Variants in BTBD9 observed in about 807,000 individuals in gnomAD.
BTBD9 encodes BTB/POZ domain-containing protein 9.
BTBD9 carries 49 observed loss-of-function variants against 64.3 expected under a neutral mutation model. That is an observed-to-expected ratio of 0.76 (90% CI 0.61 to 0.97). The LOEUF (loss-of-function observed/expected upper bound fraction) is 0.97, where lower values mean the gene tolerates loss of function less well. Among genes scored for constraint, BTBD9 ranks in the 50% least tolerant of loss-of-function variants. The pLI, the probability that BTBD9 is intolerant of heterozygous loss-of-function variation, is 0.00. For synonymous variants in BTBD9, 260 were observed against 274.7 expected (o/e 0.95, Z 0.53); for missense variants, 598 against 762.1 (o/e 0.78, Z 2.53).
chr6:38,264,079 G>A (rs1764887167), intron 8 of BTBD9, among the ~76,000 whole-genome samples: 1 of 152,206 alleles, frequency 6.6e-6, no homozygotes, highest in South Asian at 2.1e-4. Context: ...GAAACGGAGA[G>A]CGGTAAGACT....
intron 6 of BTBD9, among the ~76,000 whole-genome samples, chr6:38,537,059 T>C (rs1302225596): frequency 2.0e-5 from 3 of 152,196 alleles, no homozygotes; most frequent in Non-Finnish European, 4.4e-5. Flanking sequence ...ACACATTGTA[T>C]GCCTGTATCA....
chr6:38,592,463 G>C, intron 4 of BTBD9, 113 bp downstream of exon 4: 1 of 1,145,358 alleles, frequency 8.7e-7, no homozygotes, highest in Non-Finnish European at 1.2e-6. Flanking sequence ...GTTTATAAAC[G>C]TACATATTTC....
chr6:38,544,927 C>CAAAAAAAAAAAAAAAAAAAAAAAAA (rs58694810), intron 6 of BTBD9, among the ~76,000 whole-genome samples: 1 of 48,284 alleles, frequency 2.1e-5, no homozygotes, highest in Non-Finnish European at 3.7e-5. Context: ...AACTACATCT[C>CAAAAAAAAAAAAAAAAAAAAAAAAA]AAAAAAAAAA....
At chr6:38,357,484 TGAAG>T (rs1188863743) in intron 6 of BTBD9, among the ~76,000 whole-genome samples, 1 of 152,252 alleles carries the variant, frequency 6.6e-6, no homozygotes, top group East Asian at 1.9e-4. Flanking sequence ...TGATGTGTTC[TGAAG>T]GGAGTAAGAA....
intron 6 of BTBD9, among the ~76,000 whole-genome samples, chr6:38,483,141 C>T (rs1771237898): frequency 6.6e-6 from 1 of 152,014 alleles, no homozygotes; most frequent in Non-Finnish European, 1.5e-5. Context: ...TCCTCTTCAT[C>T]ATTTCTCTGC....
In BTBD9 at chr6:38,515,333, T is replaced by C. The variant is rs1042130167; in HGVS notation, c.1154+62267A>G. On this transcript the variant is annotated intron_variant, in intron 6 of 10. Coordinates refer to ENST00000481247, the MANE Select transcript of BTBD9 (RefSeq NM_001099272.2). Reference sequence around the variant, plus strand: ...ACAGTCAACATTTCCTCTTACATCATGACAACTTCATACAAACAGAGCCTG... The same window carrying C: ...ACAGTCAACATTTCCTCTTACATCACGACAACTTCATACAAACAGAGCCTG... Among the ~76,000 whole-genome samples the C allele has an allele frequency of 1.3e-4, 20 of 152,308 alleles. No individual in the cohort carries two copies. The East Asian group carries it at 2.3e-3, about 18-fold the overall frequency.
intron 7 of BTBD9, among the ~76,000 whole-genome samples, chr6:38,327,903 T>G (rs1488554112): frequency 6.6e-6 from 1 of 152,194 alleles, no homozygotes; most frequent in Non-Finnish European, 1.5e-5. Context: ...AATTACCCTG[T>G]CTCACCCAGA....
chr6:38,187,498 T>C (rs973831935), intron 10 of BTBD9, among the ~76,000 whole-genome samples: 1 of 151,846 alleles, frequency 6.6e-6, no homozygotes, highest in Non-Finnish European at 1.5e-5. Context: ...GTGCTGAGCA[T>C]GGGAGGAAGA....
At chr6:38,549,958 T>C (rs1774724786) in intron 6 of BTBD9, among the ~76,000 whole-genome samples, 1 of 152,138 alleles carries the variant, frequency 6.6e-6, no homozygotes, top group African/African-American at 2.4e-5. Context: ...TGCTTGGCTT[T>C]CAAGAAACTA....
intron 8 of BTBD9, among the ~76,000 whole-genome samples, chr6:38,287,435 G>A (rs767413655): frequency 3.3e-5 from 5 of 151,748 alleles, no homozygotes; most frequent in Non-Finnish European, 5.9e-5. Context: ...ATGAGGCACC[G>A]TGCCCAGGCA....
At chr6:38,361,877 A>AC (rs1764977676) in intron 6 of BTBD9, among the ~76,000 whole-genome samples, 1 of 151,588 alleles carries the variant, frequency 6.6e-6, no homozygotes, top group Admixed American at 6.6e-5. Flanking sequence ...GGAAAAAAAA[A>AC]AAACAAAAAC....
chr6:38,337,051 C>A (rs1763919575), intron 7 of BTBD9, among the ~76,000 whole-genome samples: 1 of 152,200 alleles, frequency 6.6e-6, no homozygotes, highest in African/African-American at 2.4e-5. Flanking sequence ...GCCTCCTGGT[C>A]TAGACTAGTT....
At chr6:38,596,551 A>G (rs1045033721) in intron 2 of BTBD9, among the ~76,000 whole-genome samples, 1 of 152,188 alleles carries the variant, frequency 6.6e-6, no homozygotes, top group Non-Finnish European at 1.5e-5. Context: ...CTGTAATCCC[A>G]GTACTTTGGG....
intron 9 of BTBD9, among the ~76,000 whole-genome samples, chr6:38,219,788 G>A (rs1763137255): frequency 6.6e-6 from 1 of 152,174 alleles, no homozygotes; most frequent in Non-Finnish European, 1.5e-5. Flanking sequence ...TCTGCAACAT[G>A]ATGACCTAAA....
rs1766745061 is a variant in BTBD9 at position 38,171,239 on chromosome 6, C to T, written c.*3746G>A. The T allele has an allele frequency of 6.6e-6, 1 of 152,216 alleles. No homozygotes were observed. Among genetic ancestry groups the T allele is most frequent in the African/African-American group, 2.4e-5 (1 of 41,444 alleles). 9.4% of individuals were successfully genotyped at this position (152,216 alleles called of 1,614,324 possible). On this transcript the variant is annotated 3_prime_UTR_variant, in exon 11 of 11. Transcript: ENST00000481247. Reference sequence around the variant, plus strand: ...GTTGACTGGGCTGGAGCCATCTGCACAGCAGTTTGACAACTGGGGCGACAG... The same window carrying T: ...GTTGACTGGGCTGGAGCCATCTGCATAGCAGTTTGACAACTGGGGCGACAG...
At chr6:38,205,065 GA>G (rs1238022073) in intron 9 of BTBD9, among the ~76,000 whole-genome samples, 1 of 152,090 alleles carries the variant, frequency 6.6e-6, no homozygotes, top group Non-Finnish European at 1.5e-5. Context: ...AAATAGAAGA[GA>G]AAGTATAAGA....
At chr6:38,475,799 G>T (rs1317405229) in intron 6 of BTBD9, among the ~76,000 whole-genome samples, 4 of 152,120 alleles carry the variant, frequency 2.6e-5, no homozygotes, top group African/African-American at 9.7e-5. Flanking sequence ...GATAGGGCAG[G>T]GAAGAGAAGT....
chr6:38,206,359 G>C (rs528291251), intron 9 of BTBD9, among the ~76,000 whole-genome samples: 78 of 151,954 alleles, frequency 5.1e-4, no homozygotes, highest in Non-Finnish European at 9.6e-4. Context: ...CTCTGCCTCA[G>C]CCTCCCAAGT....
intron 9 of BTBD9, among the ~76,000 whole-genome samples, chr6:38,207,890 T>C (rs1762711768): frequency 6.6e-6 from 1 of 151,660 alleles, no homozygotes; most frequent in Non-Finnish European, 1.5e-5. Context: ...GGACTTGGGG[T>C]AGGGAAGGAT....
Sources: gnomAD v4.1 joint callset for allele counts (sites outside exome capture counted in the v4.1 genomes callset) on GRCh38, gnomAD v4.1.1 for gene constraint, MANE v1.5 for transcripts, NCBI Gene and HGNC (gene_info 2026-07-23, HGNC 2026-07-21) for gene names.